Variants in PCDH15 observed in about 807,000 individuals in gnomAD.
PCDH15 encodes the protein protocadherin related 15.
In PCDH15, 129 loss-of-function variants were observed where a neutral mutation model predicts 178.5. The observed-to-expected ratio is 0.72, with a 90% CI of 0.63 to 0.84. PCDH15 has a LOEUF of 0.84. Ranked by LOEUF, PCDH15 falls within the 40% of genes least tolerant of loss-of-function variation. The pLI is 0.00. For synonymous variants in PCDH15, 800 were observed against 732.0 expected (o/e 1.09, Z -1.50); for missense variants, 2,230 against 2,099.9 (o/e 1.06, Z -1.21).
chr10:54,551,140 C>T (rs1346893401), intron 2 of PCDH15, among the ~76,000 whole-genome samples: 2 of 108,914 alleles, frequency 1.8e-5, no homozygotes, highest in Non-Finnish European at 3.4e-5. Flanking sequence ...GGGCTACAGG[C>T]TGAGACTCTG....
At chr10:54,877,837 T>G in intron 3 of PCDH15, among the ~76,000 whole-genome samples, 1 of 151,700 alleles carries the variant, frequency 6.6e-6, no homozygotes, top group East Asian at 1.9e-4. Flanking sequence ...CTAAGCATTA[T>G]ATAAGAAGCA....
chr10:55,173,035 G>A (rs1839381269), intron 1 of PCDH15, among the ~76,000 whole-genome samples: 1 of 151,826 alleles, frequency 6.6e-6, no homozygotes, highest in Admixed American at 6.6e-5. Context: ...TCAGATTTTA[G>A]GTCATTCTTT....
intron 29 of PCDH15, among the ~76,000 whole-genome samples, chr10:53,836,020 T>G (rs2077285770): frequency 6.6e-6 from 1 of 152,040 alleles, no homozygotes; most frequent in Admixed American, 6.5e-5. Context: ...CCGTAAGTAT[T>G]AGAGGGAGGA....
chr10:55,462,689 T>C (rs570606958), intron 2 of PCDH15, among the ~76,000 whole-genome samples: 86 of 152,164 alleles, frequency 5.7e-4, no homozygotes, highest in African/African-American at 2.0e-3. Context: ...TTCAATTGGG[T>C]CAAACTTAAT....
At chr10:55,539,827 A>G (rs1841718035) in intron 2 of PCDH15, among the ~76,000 whole-genome samples, 1 of 152,128 alleles carries the variant, frequency 6.6e-6, no homozygotes, top group Admixed American at 6.6e-5. Flanking sequence ...GTTGCATAAT[A>G]AGAGAAAAAA....
At chr10:54,291,863 C>T (rs112772639) in intron 8 of PCDH15, among the ~76,000 whole-genome samples, 2,360 of 152,186 alleles carry the variant, frequency 0.016, 54 homozygotes, top group African/African-American at 0.051. Context: ...CAGGGCCAGA[C>T]GGATTCACAG....
intron 25 of PCDH15, among the ~76,000 whole-genome samples, chr10:53,932,844 C>G (rs377682545): frequency 1.3e-5 from 2 of 152,248 alleles, no homozygotes; most frequent in East Asian, 3.9e-4. Context: ...CAATCGGGTG[C>G]TGCAGCTGAG....
rs939167282 is a variant in PCDH15, at chr10:55,351,830, T to C, written c.-155-185179A>G. Among the ~76,000 whole-genome samples, 6 of 152,182 alleles carry C rather than the reference T, an allele frequency of 3.9e-5. No homozygotes were observed. In the South Asian group the frequency reaches 1.2e-3, roughly 31 times the overall value. ...TAATTTAATCTTCTCCTAAGTAGTT[T>C]CCTTGATTCAACATCTCTGCGTGTT... is the stretch of plus-strand genomic sequence containing the variant. On this transcript the variant is annotated intron_variant, in intron 2 of 5. Transcript: ENST00000613346.
At chr10:54,448,011 TTTC>T (rs1287781232) in intron 3 of PCDH15, among the ~76,000 whole-genome samples, 7 of 151,792 alleles carry the variant, frequency 4.6e-5, no homozygotes, top group Non-Finnish European at 7.4e-5. Context: ...AAACAAAATC[TTTC>T]TTCTTAAGAA....
chr10:55,130,734 T>C (rs1265934969), intron 2 of PCDH15, among the ~76,000 whole-genome samples: 2 of 150,594 alleles, frequency 1.3e-5, no homozygotes, highest in Non-Finnish European at 3.0e-5. Context: ...TGTATATACA[T>C]TAAGCCATAA....
chr10:55,169,151 G>T (rs146023076), intron 1 of PCDH15, among the ~76,000 whole-genome samples: 1 of 152,014 alleles, frequency 6.6e-6, no homozygotes, highest in East Asian at 1.9e-4. Flanking sequence ...ATATTAGCTA[G>T]AATAAATAAG....
intron 1 of PCDH15, among the ~76,000 whole-genome samples, chr10:55,185,846 A>T (rs1469200481): frequency 2.6e-5 from 4 of 151,816 alleles, no homozygotes; most frequent in Non-Finnish European, 5.9e-5. Flanking sequence ...CATGGAGGAA[A>T]AGAACAGTAC....
intron 1 of PCDH15, among the ~76,000 whole-genome samples, chr10:54,777,129 G>T (rs185028720): frequency 1.3e-5 from 2 of 152,246 alleles, no homozygotes; most frequent in East Asian, 1.9e-4. Flanking sequence ...TGGAATATGG[G>T]TATTTACGAT....
chr10:55,400,917 G>A (rs1320333208), intron 2 of PCDH15, among the ~76,000 whole-genome samples: 3 of 152,050 alleles, frequency 2.0e-5, no homozygotes, highest in Admixed American at 6.6e-5. Context: ...TTGTTCATAT[G>A]TGTACGTAGT....
chr10:54,880,288 G>A (rs1483263464), intron 3 of PCDH15, among the ~76,000 whole-genome samples: 1 of 152,044 alleles, frequency 6.6e-6, no homozygotes, highest in Admixed American at 6.6e-5. Context: ...AGCCCTTATG[G>A]CTCTAACATG....
At chr10:55,625,785 T>A (rs951235272) in intron 2 of PCDH15, among the ~76,000 whole-genome samples, 7 of 152,178 alleles carry the variant, frequency 4.6e-5, no homozygotes, top group African/African-American at 1.7e-4. Context: ...ACACTCTCTC[T>A]CATACACACA....
At chr10:55,100,053 T>C (rs1842541636) in intron 2 of PCDH15, among the ~76,000 whole-genome samples, 1 of 152,144 alleles carries the variant, frequency 6.6e-6, no homozygotes, top group Non-Finnish European at 1.5e-5. Context: ...AAAAATTAAC[T>C]TACTATGTGC....
intron 1 of PCDH15, among the ~76,000 whole-genome samples, chr10:54,747,304 C>G (rs1470246047): frequency 6.6e-6 from 1 of 152,174 alleles, no homozygotes; most frequent in Non-Finnish European, 1.5e-5. Flanking sequence ...ACAGCAGTCT[C>G]AGGTCTGTTA....
At chr10:54,807,655 C>A (rs1564526371) in intron 3 of PCDH15, among the ~76,000 whole-genome samples, 1 of 149,196 alleles carries the variant, frequency 6.7e-6, no homozygotes, top group Admixed American at 6.7e-5. Flanking sequence ...AAAACTATTA[C>A]TACATACAAG....
Sources: gnomAD v4.1 joint callset for allele counts (sites outside exome capture counted in the v4.1 genomes callset) on GRCh38, gnomAD v4.1.1 for gene constraint, MANE v1.5 for transcripts, NCBI Gene and HGNC (gene_info 2026-07-23, HGNC 2026-07-21) for gene names.